Variants in NEK6 observed in about 807,000 individuals in gnomAD.
NEK6 encodes serine/threonine-protein kinase Nek6.
In NEK6, 27 loss-of-function variants were observed where a neutral mutation model predicts 43.5. The ratio of observed to expected loss-of-function variants is 0.62; its 90% CI spans 0.46 to 0.86. NEK6 has a LOEUF of 0.86. Ranked by LOEUF, NEK6 falls within the 40% of genes least tolerant of loss-of-function variation. The pLI, the probability that NEK6 is intolerant of heterozygous loss-of-function variation, is 0.00. For missense variants in NEK6, 318 were observed against 414.4 expected (o/e 0.77, Z 2.02); for synonymous variants, 167 against 164.1 (o/e 1.02, Z -0.14).
intron 5 of NEK6, among the ~76,000 whole-genome samples, chr9:124,322,880 T>C (rs1395743251): frequency 6.6e-6 from 1 of 152,274 alleles, no homozygotes; most frequent in Non-Finnish European, 1.5e-5. Context: ...GTGGCATTAC[T>C]TGAGCTGTTA....
intron 1 of NEK6, among the ~76,000 whole-genome samples, chr9:124,284,756 C>G (rs1832077642): frequency 6.6e-6 from 1 of 152,230 alleles, no homozygotes; most frequent in Admixed American, 6.5e-5. Flanking sequence ...GGAACTTTCT[C>G]TGCTCTTGCA....
chr9:124,298,922 G>A (rs1358584240), intron 1 of NEK6, among the ~76,000 whole-genome samples: 1 of 152,226 alleles, frequency 6.6e-6, no homozygotes, highest in East Asian at 1.9e-4. Flanking sequence ...GGTCCCCCTT[G>A]CACTGCTCCT....
At chr9:124,345,123 C>T (rs897829139) in intron 8 of NEK6, among the ~76,000 whole-genome samples, 8 of 152,226 alleles carry the variant, frequency 5.3e-5, no homozygotes, top group Non-Finnish European at 1.2e-4. Flanking sequence ...ATATGTCACC[C>T]TGATGACACC....
intron 2 of NEK6, among the ~76,000 whole-genome samples, chr9:124,308,505 T>G (rs1329114525): frequency 6.6e-6 from 1 of 151,864 alleles, no homozygotes; most frequent in African/African-American, 2.4e-5. Flanking sequence ...TACAAAAAAT[T>G]TAGCCCAGTG....
rs977047739 is a variant in NEK6, at chr9:124,261,240, G to A, written c.-30+3155G>A. 13 of 262,852 alleles carry A rather than the reference G, an allele frequency of 4.9e-5. No individual in the cohort carries two copies. In the South Asian group the frequency reaches 5.7e-4, roughly 12 times the overall value. The allele number at this position is 262,852 out of a possible 1,614,324, so 16.3% of individuals were successfully genotyped here. A position where few individuals can be genotyped will look rare whatever the true frequency, so the allele number is the denominator to read the frequency against. On this transcript the variant is annotated intron_variant, in intron 1 of 9. Coordinates refer to ENST00000320246, the MANE Select transcript of NEK6 (RefSeq NM_014397.6). ...CCAGAAGGCACTGCTGGCCTTCCTC[G>A]CCCAGGGCCAGAGCTACTGGAGAGA...
At chr9:124,270,456 G>T (rs986300103) in intron 1 of NEK6, among the ~76,000 whole-genome samples, 1 of 152,102 alleles carries the variant, frequency 6.6e-6, no homozygotes, top group Non-Finnish European at 1.5e-5. Flanking sequence ...TAAAACACAG[G>T]GCCAGCTACA....
At chr9:124,348,908 G>C (rs905650076) in intron 9 of NEK6, among the ~76,000 whole-genome samples, 2 of 152,242 alleles carry the variant, frequency 1.3e-5, no homozygotes, top group African/African-American at 2.4e-5. Context: ...AGACCGGTGA[G>C]GCAGGATCTG....
Position 124,350,982 on chromosome 9 carries a change from C to T in NEK6, c.*35C>T. ...CACCGTGCCTTATCAAAGCCAGCAC[C>T]ACTTTGCCTTACTTGAGTCGTCTTC... On this transcript the variant is annotated 3_prime_UTR_variant, in exon 10 of 10. Transcript: ENST00000320246. The T allele has an allele frequency of 1.3e-6, 2 of 1,491,348 alleles. No homozygotes were observed. The highest frequency in any genetic ancestry group is 1.9e-6 in the Non-Finnish European group (2 of 1,078,730). The allele number at this position is 1,491,348 out of a possible 1,614,324, so 92.4% of individuals were successfully genotyped here. A position where few individuals can be genotyped will look rare whatever the true frequency, so the allele number is the denominator to read the frequency against.
chr9:124,298,320 AG>A (rs1393210086), intron 1 of NEK6, among the ~76,000 whole-genome samples: 4 of 151,900 alleles, frequency 2.6e-5, no homozygotes, highest in Middle Eastern at 6.8e-3. Context: ...TTCCTAGAAC[AG>A]GGAACATCAA....
intron 4 of NEK6, 48 bp from the exon 5 acceptor site, chr9:124,321,411 G>A: frequency 7.7e-7 from 1 of 1,300,224 alleles, no homozygotes; most frequent in Non-Finnish European, 1.1e-6. Flanking sequence ...CACTGGGTCT[G>A]TCCCGTCTTC....
At chr9:124,274,023 G>A (rs1224070539) in intron 1 of NEK6, among the ~76,000 whole-genome samples, 2 of 152,140 alleles carry the variant, frequency 1.3e-5, no homozygotes, top group African/African-American at 4.8e-5. Context: ...TGGAATTACC[G>A]CCATCACTTC....
At chr9:124,268,090 A>T (rs1831294207) in intron 1 of NEK6, among the ~76,000 whole-genome samples, 1 of 152,208 alleles carries the variant, frequency 6.6e-6, no homozygotes, top group African/African-American at 2.4e-5. Context: ...CCCAGTCCTG[A>T]AAATTTCAGG....
intron 7 of NEK6, among the ~76,000 whole-genome samples, chr9:124,333,100 C>A (rs1829097555): frequency 6.6e-6 from 1 of 152,246 alleles, no homozygotes; most frequent in South Asian, 2.1e-4. Context: ...TCCCCGACGA[C>A]TCCTCAGAAT....
rs1046029482 is a variant in NEK6 at position 124,348,283 on chromosome 9, CTT to C, written c.831+462_831+463del. Among the ~76,000 whole-genome samples the C allele has an allele frequency of 1.4e-4, 22 of 152,310 alleles. 1 individual carries two copies. Among genetic ancestry groups the C allele is most frequent in the Admixed American group, 1.4e-3 (21 of 15,312 alleles). Reference sequence around the variant, plus strand: ...GTCAGTTTCCTCCTTATATAACAGACTTAACACCCTGGGCTTCTACTGTCAAC... The same window carrying C: ...GTCAGTTTCCTCCTTATATAACAGACAACACCCTGGGCTTCTACTGTCAAC... On this transcript the variant is annotated intron_variant, in intron 9 of 9. Transcript: ENST00000320246.
chr9:124,303,358 CTGA>C (rs67405073), intron 2 of NEK6, among the ~76,000 whole-genome samples: 55,667 of 151,908 alleles, frequency 0.37, 10,892 homozygotes, highest in South Asian at 0.58. Flanking sequence ...TTCAGATTGG[CTGA>C]TGTTTGACCT....
chr9:124,307,019 A>C (rs1254848209), intron 2 of NEK6, among the ~76,000 whole-genome samples: 1 of 152,214 alleles, frequency 6.6e-6, no homozygotes, highest in Non-Finnish European at 1.5e-5. Context: ...GATGATTAAA[A>C]TTCAGGTCAG....
chr9:124,285,701 C>G (rs531804603), intron 1 of NEK6, among the ~76,000 whole-genome samples: 71 of 152,252 alleles, frequency 4.7e-4, no homozygotes, highest in African/African-American at 1.6e-3. Flanking sequence ...ACAGAAAGGA[C>G]ACGAGATAGC....
intron 8 of NEK6, among the ~76,000 whole-genome samples, chr9:124,340,365 C>T (rs1328013453): frequency 6.6e-6 from 1 of 152,212 alleles, no homozygotes; most frequent in Non-Finnish European, 1.5e-5. Context: ...GAAGCTCTTG[C>T]AGCCACCGGC....
chr9:124,328,985 G>A (rs1184964311), intron 7 of NEK6, among the ~76,000 whole-genome samples: 1 of 152,248 alleles, frequency 6.6e-6, no homozygotes. Flanking sequence ...AGCAGAGGAA[G>A]AATCAGAAAT....
Sources: allele counts gnomAD v4.1 joint callset (sites outside exome capture counted in the v4.1 genomes callset), GRCh38; gene constraint gnomAD v4.1.1; transcripts MANE v1.5; gene names NCBI Gene and HGNC (gene_info 2026-07-23, HGNC 2026-07-21).